Variants in LAD1 observed in about 807,000 individuals in gnomAD.
LAD1 encodes the protein ladinin 1, also known as ladinin-1.
In LAD1, 53 loss-of-function variants were observed where a neutral mutation model predicts 54.2. The observed-to-expected ratio is 0.98, with a 90% CI of 0.78 to 1.23. LAD1 has a LOEUF of 1.23. Among genes scored for constraint, LAD1 ranks in the 50% most tolerant of loss-of-function variants. The pLI is 0.00. For synonymous variants in LAD1, 231 were observed against 257.7 expected, an observed-to-expected ratio of 0.90 and a Z score of 0.99; for missense variants, 637 against 653.3, an observed-to-expected ratio of 0.98 and a Z score of 0.27.
intron 2 of LAD1, 69 bp downstream of exon 2, chr1:201,389,091 A>G: frequency 1.3e-6 from 2 of 1,548,264 alleles, no homozygotes; most frequent in Non-Finnish European, 1.8e-6. Flanking sequence ...GAGCAGACTG[A>G]ATATGCTGCA....
Position 201,382,300 on chromosome 1 carries a change from G to T in LAD1, c.1500C>A (p.Thr500=). The T allele has an allele frequency of 6.2e-7, 1 of 1,613,774 alleles. No homozygotes were observed. The highest frequency in any genetic ancestry group is 8.5e-7 in the Non-Finnish European group (1 of 1,179,756). Residue 500 remains threonine, a synonymous_variant, in exon 9 of 10, where the codon ACC becomes ACA. Transcript: ENST00000391967. ...ATTTCTGTCCCCACTGAGTCCTCTCGGTTGCAGATGATGCTTTCTGTGCCT... is the reference window on the plus strand; with the variant it reads ...ATTTCTGTCCCCACTGAGTCCTCTCTGTTGCAGATGATGCTTTCTGTGCCT... ...PQEAQKASSA[T]ERTQWGQKSD...
At position 201,388,162 on chromosome 1, in the gene LAD1, T is replaced by C. The variant is rs1270016471; in HGVS notation, c.183-984A>G. Among the ~76,000 whole-genome samples the C allele has an allele frequency of 2.0e-5, 3 of 152,178 alleles. No homozygotes were observed. The East Asian group carries it at 5.8e-4, about 29-fold the overall frequency. On this transcript the variant is annotated intron_variant, in intron 2 of 9. Transcript: ENST00000391967. ...AATCCCAGCACTGGGAAGTTGAGGC[T>C]GGTGGATCACCTGAGGTCAGGAGTT...
intron 2 of LAD1, among the ~76,000 whole-genome samples, chr1:201,388,115 C>G (rs549539996): frequency 6.6e-6 from 1 of 152,236 alleles, no homozygotes; most frequent in South Asian, 2.1e-4. Context: ...AATTATAGGC[C>G]GGTGCAGCGG....
At chr1:201,391,903 G>A (rs947812837) in intron 1 of LAD1, among the ~76,000 whole-genome samples, 1 of 152,200 alleles carries the variant, frequency 6.6e-6, no homozygotes, top group Admixed American at 6.5e-5. Flanking sequence ...TGCATTGTCT[G>A]CAAATCAGGT....
chr1:201,391,223 T>G, intron 1 of LAD1: 1 of 444,480 alleles, frequency 2.2e-6, no homozygotes, highest in African/African-American at 2.0e-5. Context: ...CAACTTTCAC[T>G]TCTCTGGGGA....
chr1:201,394,598 A>T (rs906904696), intron 1 of LAD1, among the ~76,000 whole-genome samples: 1 of 152,190 alleles, frequency 6.6e-6, no homozygotes, highest in East Asian at 1.9e-4. Context: ...TTCATCCTTC[A>T]TTCACTACAC....
intron 4 of LAD1, 134 bp downstream of exon 4, chr1:201,385,567 C>A: frequency 1.3e-6 from 1 of 743,784 alleles, no homozygotes; most frequent in South Asian, 1.5e-5. Flanking sequence ...TTCAGGGCCA[C>A]CCATGGGAAT....
chr1:201,382,425 C>T, intron 8 of LAD1, 99 bp from the exon 9 acceptor site: 1 of 1,036,622 alleles, frequency 9.6e-7, no homozygotes, highest in South Asian at 1.3e-5. Context: ...TGTCCTTTCT[C>T]TTCCCAAAAG....
intron 5 of LAD1, 52 bp from the exon 6 acceptor site, chr1:201,383,441 C>T (rs771335161): frequency 6.4e-7 from 1 of 1,553,142 alleles, no homozygotes; most frequent in Non-Finnish European, 8.9e-7. Context: ...CCAGGGAGAC[C>T]AGGCCTGCCC....
chr1:201,384,927 T>C, intron 4 of LAD1, 92 bp from the exon 5 acceptor site: 1 of 1,230,054 alleles, frequency 8.1e-7, no homozygotes, highest in South Asian at 1.3e-5. Context: ...AGACATGTCC[T>C]CCTCCTCTTC....
At chr1:201,384,706 C>T (rs779844162) in intron 5 of LAD1, 86 bp downstream of exon 5, 2 of 1,384,002 alleles carry the variant, frequency 1.4e-6, no homozygotes, top group Non-Finnish European at 2.1e-6. Context: ...ACCGCACAGC[C>T]TGGCACAAGG....
In LAD1 at chr1:201,382,319, T is replaced by C. The variant is rs1661979046; in HGVS notation, c.1481A>G (p.Gln494Arg). 1 of 1,613,242 alleles carries C rather than the reference T, an allele frequency of 6.2e-7. No individual in the cohort carries two copies. The highest frequency in any genetic ancestry group is 1.7e-5 in the Admixed American group (1 of 59,998). ...ESGDQDPQEA[Q>R]KASSATERTQ... ...CCTCTCGGTTGCAGATGATGCTTTCTGTGCCTCCTGATTGAGGGTATCAGG... is the reference window on the plus strand; with the variant it reads ...CCTCTCGGTTGCAGATGATGCTTTCCGTGCCTCCTGATTGAGGGTATCAGG... Residue 494 changes from glutamine to arginine, a missense_variant, in exon 9 of 10, where the codon CAG becomes CGG. Transcript: ENST00000391967.
chr1:201,387,081 C>T lies in LAD1; in HGVS notation c.280G>A (p.Glu94Lys), dbSNP rs1304294982. Residue 94 changes from glutamate (E) to lysine (K), a missense_variant, in exon 3 of 10, where the codon GAG becomes AAG. By Grantham distance (56) the Glu-to-Lys change is moderately conservative (BLOSUM62 1). Transcript: ENST00000391967. ...ACCACCTGCCGCCTCTGCCTCCGCTCCTGCCGTGTTCTGAGGATGCTCTGG... is the reference window on the plus strand; with the variant it reads ...ACCACCTGCCGCCTCTGCCTCCGCTTCTGCCGTGTTCTGAGGATGCTCTGG... The part of the protein sequence containing the change: ...DIQSILRTRQ[E>K]RRQRRQVVEA... 1 of 1,610,570 alleles carries T rather than the reference C, an allele frequency of 6.2e-7. No individual in the cohort carries two copies. Among genetic ancestry groups the T allele is most frequent in the South Asian group, 1.1e-5 (1 of 90,332 alleles).
chr1:201,394,321 C>T (rs1384230007), intron 1 of LAD1, among the ~76,000 whole-genome samples: 4 of 152,232 alleles, frequency 2.6e-5, no homozygotes, highest in African/African-American at 7.2e-5. Flanking sequence ...AAGGCGAGTG[C>T]CTGCCCATCA....
chr1:201,384,423 C>T (rs956798962), intron 5 of LAD1, among the ~76,000 whole-genome samples: 1 of 152,178 alleles, frequency 6.6e-6, no homozygotes, highest in East Asian at 1.9e-4. Context: ...GACCCACAGC[C>T]CCCCAACCAG....
chr1:201,397,471 C>G (rs1341846212), intron 1 of LAD1, among the ~76,000 whole-genome samples: 3 of 152,166 alleles, frequency 2.0e-5, no homozygotes, highest in Non-Finnish European at 4.4e-5. Flanking sequence ...CACATGAGTC[C>G]ATGTCCATCT....
chr1:201,398,182 G>A (rs1453048123), intron 1 of LAD1, among the ~76,000 whole-genome samples: 1 of 152,164 alleles, frequency 6.6e-6, no homozygotes, highest in Non-Finnish European at 1.5e-5. Flanking sequence ...CTTATTAAGG[G>A]AGGGCAGGAG....
chr1:201,382,573 T>G, intron 8 of LAD1, 80 bp downstream of exon 8: 1 of 1,211,592 alleles, frequency 8.3e-7, no homozygotes, highest in Non-Finnish European at 1.2e-6. Flanking sequence ...ACTCCTCCTC[T>G]CCCGACTGTC....
At chr1:201,397,861 C>A (rs1662325629) in intron 1 of LAD1, among the ~76,000 whole-genome samples, 1 of 152,114 alleles carries the variant, frequency 6.6e-6, no homozygotes, top group Non-Finnish European at 1.5e-5. Flanking sequence ...GGTAGGCCCA[C>A]ATCTAGAAGC....
Sources: allele counts gnomAD v4.1 joint callset (sites outside exome capture counted in the v4.1 genomes callset), GRCh38; gene constraint gnomAD v4.1.1; transcripts MANE v1.5; gene names NCBI Gene and HGNC (gene_info 2026-07-23, HGNC 2026-07-21).